RMND5B: variants seen among roughly 807,000 people sequenced by gnomAD.
The protein encoded by RMND5B is E3 ubiquitin-protein transferase RMND5B.
A neutral mutation model predicts 50.4 loss-of-function variants in RMND5B; 42 were observed. That is an observed-to-expected ratio of 0.83 (90% confidence interval 0.65 to 1.08). The LOEUF (loss-of-function observed/expected upper bound fraction) is 1.08, where lower values mean the gene tolerates loss of function less well. Ranked by LOEUF, RMND5B falls within the 50% of genes least tolerant of loss-of-function variation. RMND5B has a pLI of 0.00. For missense variants in RMND5B, 463 were observed against 508.5 expected (o/e 0.91, Z 0.86); for synonymous variants, 220 against 210.0 (o/e 1.05, Z -0.41).
Position 178,144,091 on chromosome 5 carries a change from C to T in RMND5B, c.677C>T (p.Ala226Val). 6.2e-6 allele frequency: 10 copies of T among 1,613,772 alleles called. No individual in the cohort carries two copies. Among genetic ancestry groups the T allele is most frequent in the Non-Finnish European group, 8.5e-6 (10 of 1,179,824 alleles). Residue 226 changes from alanine to valine, a missense_variant, in exon 7 of 11, where the codon GCT becomes GTT. Ala to Val is a moderately conservative substitution (Grantham distance 64). Transcript: ENST00000313386. ...LSYARHFQPF[A>V]RLHQREIQVM... ...TATGCTCGGCACTTCCAGCCCTTTGCTCGGCTGCACCAGCGGGGTGAGTGC... is the reference window on the plus strand; with the variant it reads ...TATGCTCGGCACTTCCAGCCCTTTGTTCGGCTGCACCAGCGGGGTGAGTGC...
At position 178,142,708 on chromosome 5, in the gene RMND5B, G is replaced by T. The variant is rs780505373; in HGVS notation, c.265G>T (p.Val89Leu). 1 of 1,614,240 alleles carries T rather than the reference G, an allele frequency of 6.2e-7. No homozygotes were observed. The highest frequency in any genetic ancestry group is 1.7e-5 in the Admixed American group (1 of 60,022). ...HKDIHSSVSR[V>L]GKAIDRNFDS... Reference sequence around the variant, plus strand: ...GGACATTCACAGCAGTGTATCCCGAGTGGGCAAAGCCATTGACAGGGTGAG... The same window carrying T: ...GGACATTCACAGCAGTGTATCCCGATTGGGCAAAGCCATTGACAGGGTGAG... The change falls in exon 4 of 11, where the codon GTG becomes TTG. Residue 89 changes from valine (V) to leucine (L), a missense_variant. Val to Leu is a conservative substitution (Grantham distance 32, BLOSUM62 1). Transcript: ENST00000313386.
rs114133891 is a variant in RMND5B, at chr5:178,138,982, C to T, written c.139+724C>T. On this transcript the variant is annotated intron_variant, in intron 3 of 10. Transcript: ENST00000313386. This position sits in a 1 kb window ranked among gnomAD's most constrained non-coding sequence, Gnocchi z 5.1. ...TCGGGAGCCCGAGGCCGACAGATCA[C>T]CTGAGATCAGGAGTTTAAAACCAGC... Among the ~76,000 whole-genome samples the T allele has an allele frequency of 2.2e-4, 33 of 152,210 alleles. No homozygotes were observed. Among genetic ancestry groups the T allele is most frequent in the Non-Finnish European group, 4.0e-4 (27 of 68,020 alleles).
Position 178,138,454 on chromosome 5 carries a change from A to G in RMND5B, c.139+196A>G, listed in dbSNP as rs1253138217. On this transcript the variant is annotated intron_variant, in intron 3 of 10. Transcript: ENST00000313386. This position sits in a 1 kb window ranked among gnomAD's most constrained non-coding sequence, Gnocchi z 5.1. ...CCAACAAATTATTAATTTACCTGAGATGATTCCCATTTACATTTTGTTTTC... is the reference window on the plus strand; with the variant it reads ...CCAACAAATTATTAATTTACCTGAGGTGATTCCCATTTACATTTTGTTTTC... 5 of 1,340,218 alleles carry G rather than the reference A, an allele frequency of 3.7e-6. No homozygotes were observed. The highest frequency in any genetic ancestry group is 3.9e-6 in the Non-Finnish European group (4 of 1,034,774). 83.0% of individuals were successfully genotyped at this position (1,340,218 alleles called of 1,614,324 possible).
At chr5:178,143,451 C>T (rs544637958) in intron 5 of RMND5B, among the ~76,000 whole-genome samples, 176 bp from the exon 6 acceptor site, 1 of 152,296 alleles carries the variant, frequency 6.6e-6, no homozygotes, top group African/African-American at 2.4e-5. Context: ...ACTCAGCCTC[C>T]CCAGGACTGA....
At chr5:178,132,156 T>G (rs1008620267) in intron 2 of RMND5B, among the ~76,000 whole-genome samples, 2 of 151,802 alleles carry the variant, frequency 1.3e-5, no homozygotes, top group African/African-American at 4.8e-5. Context: ...CTCCAAAAAA[T>G]TAGGCTGGGC....
chr5:178,138,656 G>C lies in RMND5B; in HGVS notation c.139+398G>C, dbSNP rs1157144038. Among the ~76,000 whole-genome samples, 1 of 151,766 alleles carries C rather than the reference G, an allele frequency of 6.6e-6. No homozygotes were observed. The highest frequency in any genetic ancestry group is 1.5e-5 in the Non-Finnish European group (1 of 67,978). ...TGGAATTATATGCGTGAGCCACCAT[G>C]CCTGGCCTATTTTTAGCTTTTAAGA... On this transcript the variant is annotated intron_variant, in intron 3 of 10. Transcript: ENST00000313386. The surrounding 1 kb of genome is among the most constrained non-coding windows in gnomAD (Gnocchi z 5.1).
chr5:178,132,026 G>A (rs904065317), intron 2 of RMND5B, among the ~76,000 whole-genome samples: 1 of 152,160 alleles, frequency 6.6e-6, no homozygotes, highest in Non-Finnish European at 1.5e-5. Flanking sequence ...AAAAGCATAA[G>A]AATTGGCTGG....
rs1756157008 is a variant in RMND5B, at chr5:178,148,364, C to T, written c.*332C>T. On this transcript the variant is annotated 3_prime_UTR_variant, in exon 11 of 11. Coordinates refer to ENST00000313386, the MANE Select transcript of RMND5B (RefSeq NM_022762.5). ...CTTCAGCAGTAGACATCCTTCCACC[C>T]CTGCCCTCAGCCAAGTCTCTTGCTG... 5.1e-6 allele frequency: 2 copies of T among 392,702 alleles called. No individual in the cohort carries two copies. Among genetic ancestry groups the T allele is most frequent in the Non-Finnish European group, 9.6e-6 (2 of 208,536 alleles). The allele number at this position is 392,702 out of a possible 1,614,324, so 24.3% of individuals were successfully genotyped here. A position where few individuals can be genotyped will look rare whatever the true frequency, so the allele number is the denominator to read the frequency against.
intron 7 of RMND5B, among the ~76,000 whole-genome samples, chr5:178,144,735 A>G (rs1755893920): frequency 1.3e-5 from 2 of 150,982 alleles, no homozygotes; most frequent in African/African-American, 2.4e-5. Context: ...AAAAAAAAAG[A>G]CTTGTCTGGG....
chr5:178,134,931 T>C lies in RMND5B; in HGVS notation c.-12-3177T>C, dbSNP rs571188051. Among the ~76,000 whole-genome samples the C allele has an allele frequency of 5.6e-4, 81 of 144,740 alleles. No homozygotes were observed. The South Asian group carries it at 0.013, about 23-fold the overall frequency. 95.0% of individuals were successfully genotyped at this position (144,740 alleles called of 152,430 possible). On this transcript the variant is annotated intron_variant, in intron 2 of 10. Transcript: ENST00000313386. ...GGTGGAGGTTGCCAGTGAGCCAAGA[T>C]AGCACCACTGTATTCCAGCCTGGGC...
chr5:178,142,450 T>C (rs1758993427), intron 3 of RMND5B, 133 bp from the exon 4 acceptor site: 12 of 1,011,378 alleles, frequency 1.2e-5, no homozygotes, highest in Admixed American at 2.4e-5. Flanking sequence ...GAAGAGAAGC[T>C]AGTTCTTTCA....
At chr5:178,133,721 T>G (rs1423735392) in intron 2 of RMND5B, among the ~76,000 whole-genome samples, 1 of 151,448 alleles carries the variant, frequency 6.6e-6, no homozygotes, top group Non-Finnish European at 1.5e-5. Context: ...ACAATTTTTT[T>G]TTTTTTTGGA....
In RMND5B at chr5:178,137,720, C is replaced by T. The variant is rs1758691711; in HGVS notation, c.-12-388C>T. ...AAGAAAATACATACGTGTAATATGA[C>T]ATTATGCAGTATATGGATTTCTAGT... On this transcript the variant is annotated intron_variant, in intron 2 of 10. Transcript: ENST00000313386. This position sits in a 1 kb window ranked among gnomAD's most constrained non-coding sequence, Gnocchi z 4.4. Among the ~76,000 whole-genome samples the T allele has an allele frequency of 6.6e-6, 1 of 152,138 alleles. No homozygotes were observed. Among genetic ancestry groups the T allele is most frequent in the South Asian group, 2.1e-4 (1 of 4,828 alleles).
Position 178,137,265 on chromosome 5 carries a change from GT to G in RMND5B, c.-12-841del, listed in dbSNP as rs1241719165. On this transcript the variant is annotated intron_variant, in intron 2 of 10. Transcript: ENST00000313386. The surrounding 1 kb of genome is among the most constrained non-coding windows in gnomAD (Gnocchi z 4.4). ...TGGGCAAGTCCGTCAGGCCAGCATG[GT>G]TGGCAGTTATTCCCCAAGCTGTGTT... 6.6e-6 allele frequency among the ~76,000 whole-genome samples: 1 copy of G among 152,196 alleles called. No individual in the cohort carries two copies. Among genetic ancestry groups the G allele is most frequent in the Non-Finnish European group, 1.5e-5 (1 of 68,046 alleles).
chr5:178,147,439 C>G, intron 8 of RMND5B, 94 bp from the exon 9 acceptor site: 1 of 897,602 alleles, frequency 1.1e-6, no homozygotes, highest in East Asian at 2.6e-5. Flanking sequence ...TTTTAGAGCC[C>G]TGTCTCAAGG....
Position 178,149,904 on chromosome 5 carries a change from A to G in RMND5B, c.*1872A>G, listed in dbSNP as rs1756220721. 2 of 1,571,086 alleles carry G rather than the reference A, an allele frequency of 1.3e-6. No individual in the cohort carries two copies. Among genetic ancestry groups the G allele is most frequent in the African/African-American group, 1.3e-5 (1 of 74,152 alleles). On this transcript the variant is annotated 3_prime_UTR_variant, in exon 11 of 11. Coordinates refer to ENST00000313386, the MANE Select transcript of RMND5B (RefSeq NM_022762.5). ...CAACCTGTATGCCAGGAAGTCACCA[A>G]CTGATGACCCACCAGCCTAATCTGG...
chr5:178,142,009 G>A (rs951469360), intron 3 of RMND5B: 8 of 155,628 alleles, frequency 5.1e-5, no homozygotes, highest in African/African-American at 1.7e-4. Context: ...CTATGCTGTA[G>A]CCTGTATCAG....
intron 2 of RMND5B, among the ~76,000 whole-genome samples, chr5:178,134,597 A>G (rs1258946333): frequency 6.6e-6 from 1 of 152,184 alleles, no homozygotes; most frequent in Non-Finnish European, 1.5e-5. Context: ...TGCTCTAGAC[A>G]GACTGAATTA....
chr5:178,149,122 C>T lies in RMND5B; in HGVS notation c.*1090C>T, dbSNP rs1347222222. ...GCTGTGTGGGTGGGTAAATTGCTTC[C>T]ATAAGCTTCACAGTGGCATTTAAGG... On this transcript the variant is annotated 3_prime_UTR_variant, in exon 11 of 11. Transcript: ENST00000313386. The T allele has an allele frequency of 6.6e-6, 1 of 152,420 alleles. No individual in the cohort carries two copies. The highest frequency in any genetic ancestry group is 1.9e-4 in the East Asian group (1 of 5,196). 9.4% of individuals were successfully genotyped at this position (152,420 alleles called of 1,614,324 possible).
Sources: allele counts gnomAD v4.1 joint callset (sites outside exome capture counted in the v4.1 genomes callset), GRCh38; gene constraint gnomAD v4.1.1; non-coding constraint Gnocchi (gnomAD v3.1); transcripts MANE v1.5; gene names NCBI Gene and HGNC (gene_info 2026-07-23, HGNC 2026-07-21).